Variants in SYNE1 observed in about 807,000 individuals in gnomAD.
SYNE1 encodes nesprin-1.
SYNE1 carries 616 observed loss-of-function variants against 1,111.0 expected under a neutral mutation model. That is an observed-to-expected ratio of 0.55 (90% CI 0.52 to 0.59). The LOEUF is 0.59. Ranked by LOEUF, SYNE1 falls within the 20% of genes least tolerant of loss-of-function variation. The pLI, the probability that SYNE1 is intolerant of heterozygous loss-of-function variation, is 0.00. For missense variants in SYNE1, 10,006 were observed against 10,417.0 expected, an observed-to-expected ratio of 0.96 and a Z score of 1.72; for synonymous variants, 3,855 against 3,825.8, an observed-to-expected ratio of 1.01 and a Z score of -0.28.
chr6:152,302,709 G>T (rs2095240871), intron 91 of SYNE1, among the ~76,000 whole-genome samples: 1 of 152,146 alleles, frequency 6.6e-6, no homozygotes, highest in Non-Finnish European at 1.5e-5. Flanking sequence ...ACTTCATCAT[G>T]TCTCAAATGT....
At chr6:152,168,215 CT>C (rs756232226) in intron 130 of SYNE1, 1 of 759,542 alleles carries the variant, frequency 1.3e-6, no homozygotes, top group South Asian at 1.4e-5. Flanking sequence ...GAAGCTTCCA[CT>C]TGCAAAAGTT....
In SYNE1 at chr6:152,336,540, T is replaced by G. The variant is rs117656461; in HGVS notation, c.12528+301A>C. 0.048 allele frequency: 20,644 copies of G among 432,418 alleles called. 557 individuals carry two copies. Among genetic ancestry groups the G allele is most frequent in the Non-Finnish European group, 0.056 (12,906 of 231,154 alleles). 26.8% of individuals were successfully genotyped at this position (432,418 alleles called of 1,614,324 possible). ...GAGCATGCAACCTAGATCCCTTGCA[T>G]GCGCAGTTCACAGTAGGGTTTGCAC... On this transcript the variant is annotated intron_variant, in intron 76 of 145. Coordinates refer to ENST00000367255, the MANE Select transcript of SYNE1 (RefSeq NM_182961.4).
At chr6:152,606,966 T>G (rs1458784341) in intron 3 of SYNE1, among the ~76,000 whole-genome samples, 2 of 140,650 alleles carry the variant, frequency 1.4e-5, no homozygotes, top group Non-Finnish European at 3.0e-5. Context: ...AGGAAAGGCA[T>G]GCCTCGGTTC....
At chr6:152,164,873 A>G (rs117317322) in intron 130 of SYNE1, among the ~76,000 whole-genome samples, 2,790 of 152,294 alleles carry the variant, frequency 0.018, 51 homozygotes, top group Non-Finnish European at 0.029. Flanking sequence ...ACAGAGGTAA[A>G]CAGCAGATGA....
intron 32 of SYNE1, among the ~76,000 whole-genome samples, chr6:152,439,392 AATTT>A (rs2098506721): frequency 2.6e-5 from 4 of 152,144 alleles, no homozygotes; most frequent in Admixed American, 6.5e-5. Context: ...TACACGAAAT[AATTT>A]ATTTATTTTT....
chr6:152,233,334 CT>C (rs71017528), intron 112 of SYNE1, among the ~76,000 whole-genome samples: 28,499 of 147,454 alleles, frequency 0.19, 2,882 homozygotes, highest in African/African-American at 0.24. Context: ...GTAGTTCACT[CT>C]TTTTTTTTTT....
chr6:152,539,842 A>T, intron 4 of SYNE1, 118 bp downstream of exon 4: 1 of 1,109,540 alleles, frequency 9.0e-7, no homozygotes, highest in Non-Finnish European at 1.4e-6. Flanking sequence ...CAATAAGATT[A>T]CAGTATCATT....
chr6:152,178,205 T>C (rs1267964256), intron 129 of SYNE1, among the ~76,000 whole-genome samples: 1 of 152,136 alleles, frequency 6.6e-6, no homozygotes, highest in Admixed American at 6.5e-5. Context: ...AGATGGTTTT[T>C]TTCCCCACAC....
intron 5 of SYNE1, among the ~76,000 whole-genome samples, chr6:152,522,518 T>C (rs1484346853): frequency 1.3e-5 from 2 of 152,118 alleles, no homozygotes; most frequent in African/African-American, 2.4e-5. Flanking sequence ...CTGCTATAAA[T>C]ATCCGTGTGA....
At chr6:152,165,447 T>C (rs879784814) in intron 130 of SYNE1, among the ~76,000 whole-genome samples, 1 of 152,192 alleles carries the variant, frequency 6.6e-6, no homozygotes, top group Non-Finnish European at 1.5e-5. Context: ...ATTTTCACTA[T>C]GGTCAGCTGT....
At position 152,336,923 on chromosome 6, in the gene SYNE1, G is replaced by T. The variant is rs140069531; in HGVS notation, c.12446C>A (p.Ala4149Asp). ...CTTCATGTTCTGCAGTTGCTGATCAGCATCTTGCAGGTAAATCCAGAGCTC... is the reference window on the plus strand; with the variant it reads ...CTTCATGTTCTGCAGTTGCTGATCATCATCTTGCAGGTAAATCCAGAGCTC... ...KSELWIYLQD[A>D]DQQLQNMKRR... Residue 4149 changes from alanine to aspartate, a missense_variant, in exon 76 of 146, where the codon GCT becomes GAT. By Grantham distance (126) the Ala-to-Asp change is moderately radical (BLOSUM62 -2). Around this residue, in one of 7 missense-constraint regions of SYNE1, gnomAD observed 4,955 missense variants for 5,017.2 expected, o/e 0.99. Transcript: ENST00000367255. 3 of 1,614,030 alleles carry T rather than the reference G, an allele frequency of 1.9e-6. No homozygotes were observed. In the African/African-American group the frequency reaches 4.0e-5, roughly 22 times the overall value.
intron 28 of SYNE1, among the ~76,000 whole-genome samples, chr6:152,448,868 A>C (rs2098620376): frequency 6.6e-6 from 1 of 151,484 alleles, no homozygotes; most frequent in Non-Finnish European, 1.5e-5. Flanking sequence ...AAACAAACAA[A>C]CACTCAAAGG....
intron 130 of SYNE1, among the ~76,000 whole-genome samples, 189 bp downstream of exon 130, chr6:152,176,205 T>A (rs963998152): frequency 1.3e-5 from 2 of 152,116 alleles, no homozygotes; most frequent in African/African-American, 4.8e-5. Flanking sequence ...ATGAGATTTA[T>A]AAAGTAAGAG....
chr6:152,339,262 GTCTTTTGCTGTGGTTT>G lies in SYNE1; in HGVS notation c.12314_12329del (p.Lys4105ThrfsTer19). 1 of 1,613,874 alleles carries G rather than the reference GTCTTTTGCTGTGGTTT, an allele frequency of 6.2e-7. No homozygotes were observed. The highest frequency in any genetic ancestry group is 2.2e-5 in the East Asian group (1 of 44,858). On this transcript the variant is annotated frameshift_variant, in exon 75 of 146. Transcript: ENST00000367255. LOFTEE classifies it high-confidence loss of function. ...TTACCGTTTGCTCTGTTTGTTGAATGTCTTTTGCTGTGGTTTTCACCGAAGCATTTGACAGGTCACA... is the reference window on the plus strand; with the variant it reads ...TTACCGTTTGCTCTGTTTGTTGAATGTCACCGAAGCATTTGACAGGTCACA...
chr6:152,320,961 C>T lies in SYNE1; in HGVS notation c.16236+277G>A, dbSNP rs138117655. Among the ~76,000 whole-genome samples, 2,503 of 152,210 alleles carry T rather than the reference C, an allele frequency of 0.016. 66 individuals carry two copies. The highest frequency in any genetic ancestry group is 0.056 in the African/African-American group (2,325 of 41,508). On this transcript the variant is annotated intron_variant, in intron 84 of 145. Transcript: ENST00000367255. ...GGGCATTCACTAAATATTTGTTGAA[C>T]ACATGAAACATATCTTACTTTTTGT...
intron 102 of SYNE1, among the ~76,000 whole-genome samples, chr6:152,256,021 C>T (rs2090721412): frequency 6.6e-6 from 1 of 152,088 alleles, no homozygotes; most frequent in South Asian, 2.1e-4. Context: ...ATTACTTGAA[C>T]CCAGGAGGTG....
chr6:152,537,230 A>G (rs1377528699), intron 4 of SYNE1, among the ~76,000 whole-genome samples: 1 of 152,158 alleles, frequency 6.6e-6, no homozygotes, highest in Non-Finnish European at 1.5e-5. Context: ...TGTTATATCA[A>G]CAATTTGTGA....
intron 123 of SYNE1, among the ~76,000 whole-genome samples, chr6:152,212,852 T>C (rs771815079): frequency 1.4e-4 from 22 of 152,314 alleles, no homozygotes; most frequent in Non-Finnish European, 2.8e-4. Flanking sequence ...TTGTAGTCTT[T>C]TTTCTATTAT....
chr6:152,244,403 A>C, intron 106 of SYNE1, 134 bp downstream of exon 106: 2 of 1,341,234 alleles, frequency 1.5e-6, no homozygotes, highest in Admixed American at 3.6e-5. Context: ...ATTTTCTAAG[A>C]GTTGCTTGGT....
Sources: gnomAD v4.1 joint callset for allele counts (sites outside exome capture counted in the v4.1 genomes callset) on GRCh38, gnomAD v4.1.1 for gene constraint, gnomAD v4.1.1 regional missense constraint, MANE v1.5 for transcripts, NCBI Gene and HGNC (gene_info 2026-07-23, HGNC 2026-07-21) for gene names.